The following NRXN3 variants were observed in gnomAD, a reference collection of about 807,000 sequenced individuals.
The protein encoded by NRXN3 is neurexin 3, also known as neurexin III.
Under a neutral mutation model 137.6 loss-of-function variants are expected in NRXN3, and 32 were observed. The observed-to-expected ratio is 0.23, with a 90% CI of 0.18 to 0.31. The LOEUF (loss-of-function observed/expected upper bound fraction) is 0.31. Ranked by LOEUF, NRXN3 falls within the 10% of genes least tolerant of loss-of-function variation. The pLI is 1.00. For synonymous variants in NRXN3, 798 were observed against 784.5 expected, an observed-to-expected ratio of 1.02 and a Z score of -0.29; for missense variants, 1,574 against 2,062.5, an observed-to-expected ratio of 0.76 and a Z score of 4.59.
intron 4 of NRXN3, among the ~76,000 whole-genome samples, chr14:78,592,285 T>C (rs1355824785): frequency 6.6e-6 from 1 of 152,136 alleles, no homozygotes; most frequent in African/African-American, 2.4e-5. Context: ...CTTGTACAAT[T>C]CTTGTGCAAA....
At chr14:78,706,094 T>A (rs2152819858) in intron 6 of NRXN3, among the ~76,000 whole-genome samples, 1 of 152,326 alleles carries the variant, frequency 6.6e-6, no homozygotes, top group East Asian at 1.9e-4. Flanking sequence ...CTGATCTCTC[T>A]TTCTATTTAT....
In NRXN3 at chr14:79,740,765, T is replaced by C. The variant is rs1170911162; in HGVS notation, c.4014+42828T>C. On this transcript the variant is annotated intron_variant, in intron 19 of 20. Coordinates refer to ENST00000335750, the MANE Select transcript of NRXN3 (RefSeq NM_001330195.2). ...ATATATATATATATATATATATATATATAACCTTACTTCTGCTTTTAAACA... is the reference window on the plus strand; with the variant it reads ...ATATATATATATATATATATATATACATAACCTTACTTCTGCTTTTAAACA... Among the ~76,000 whole-genome samples the C allele has an allele frequency of 1.1e-4, 13 of 114,328 alleles. 1 individual carries two copies. Among genetic ancestry groups the C allele is most frequent in the East Asian group, 5.6e-4 (2 of 3,572 alleles). 75.0% of individuals were successfully genotyped at this position (114,328 alleles called of 152,430 possible).
At chr14:79,031,553 A>G (rs1181965634) in intron 15 of NRXN3, among the ~76,000 whole-genome samples, 1 of 152,152 alleles carries the variant, frequency 6.6e-6, no homozygotes, top group Non-Finnish European at 1.5e-5. Flanking sequence ...TATAAGGTTC[A>G]CAAGGACTGA....
At chr14:78,229,902 G>A (rs1168394605) in intron 1 of NRXN3, among the ~76,000 whole-genome samples, 1 of 152,174 alleles carries the variant, frequency 6.6e-6, no homozygotes, top group East Asian at 1.9e-4. Context: ...GGGGACCTAA[G>A]GATGTTGCAA....
At chr14:79,158,381 A>G (rs1390817985) in intron 15 of NRXN3, among the ~76,000 whole-genome samples, 1 of 151,914 alleles carries the variant, frequency 6.6e-6, no homozygotes, top group African/African-American at 2.4e-5. Context: ...AATTTAGGGC[A>G]GAAATCATTT....
intron 15 of NRXN3, among the ~76,000 whole-genome samples, chr14:79,326,396 A>G (rs555087825): frequency 6.6e-6 from 1 of 152,298 alleles, no homozygotes; most frequent in Non-Finnish European, 1.5e-5. Context: ...AGGTACCATT[A>G]TCTCCATTAT....
chr14:78,793,883 T>G (rs995093132), intron 8 of NRXN3, among the ~76,000 whole-genome samples: 2 of 152,202 alleles, frequency 1.3e-5, no homozygotes, highest in African/African-American at 4.8e-5. Flanking sequence ...CAGGAGCTGG[T>G]GAAGGGCCAG....
chr14:79,672,829 A>G (rs938207772), intron 17 of NRXN3, among the ~76,000 whole-genome samples: 2 of 152,092 alleles, frequency 1.3e-5, no homozygotes, highest in African/African-American at 4.8e-5. Flanking sequence ...ATTTATGGGA[A>G]AAGTTTCCAA....
At chr14:79,829,482 T>C (rs1466244805) in intron 20 of NRXN3, among the ~76,000 whole-genome samples, 2 of 152,246 alleles carry the variant, frequency 1.3e-5, no homozygotes, top group East Asian at 3.8e-4. Flanking sequence ...GGATTCCTAC[T>C]GATTACCATT....
chr14:79,144,428 T>C (rs531265411), intron 15 of NRXN3, among the ~76,000 whole-genome samples: 4 of 152,320 alleles, frequency 2.6e-5, no homozygotes, highest in Non-Finnish European at 5.9e-5. Flanking sequence ...TGTACTTGTT[T>C]GTAGTACTTC....
chr14:79,367,789 A>G (rs898944174), intron 15 of NRXN3, among the ~76,000 whole-genome samples: 1 of 152,154 alleles, frequency 6.6e-6, no homozygotes, highest in African/African-American at 2.4e-5. Flanking sequence ...CAGGCTTGGG[A>G]TTTAAGAAAG....
chr14:79,728,746 G>A lies in NRXN3; in HGVS notation c.4014+30809G>A, dbSNP rs558457962. ...CACACTGTCAAAGACTGATATTGTC[G>A]GGAGTTAGCAGTGGCATGGAATAAT... On this transcript the variant is annotated intron_variant, in intron 19 of 20. Coordinates refer to ENST00000335750, the MANE Select transcript of NRXN3 (RefSeq NM_001330195.2). Among the ~76,000 whole-genome samples, 4 of 152,274 alleles carry A rather than the reference G, an allele frequency of 2.6e-5. No homozygotes were observed. In the East Asian group the frequency reaches 7.7e-4, roughly 29 times the overall value.
At chr14:79,129,267 G>T (rs1220632926) in intron 15 of NRXN3, among the ~76,000 whole-genome samples, 5 of 149,138 alleles carry the variant, frequency 3.4e-5, no homozygotes, top group African/African-American at 5.0e-5. Flanking sequence ...TAATTGTGAT[G>T]TTAGGGTGTC....
At chr14:78,506,290 AT>A (rs1206252448) in intron 4 of NRXN3, among the ~76,000 whole-genome samples, 26 of 152,186 alleles carry the variant, frequency 1.7e-4, no homozygotes, top group Admixed American at 1.6e-3. Flanking sequence ...AAATGATAGG[AT>A]TTCCTTCTTT....
intron 10 of NRXN3, among the ~76,000 whole-genome samples, chr14:78,912,994 C>T (rs2099243505): frequency 6.6e-6 from 1 of 151,956 alleles, no homozygotes; most frequent in Non-Finnish European, 1.5e-5. Flanking sequence ...CCTACTATGC[C>T]CTAGATACCT....
intron 6 of NRXN3, among the ~76,000 whole-genome samples, chr14:78,662,050 A>G (rs1208870012): frequency 6.7e-6 from 1 of 149,970 alleles, no homozygotes; most frequent in Non-Finnish European, 1.5e-5. Context: ...TAATTTTTGT[A>G]TTTTTAGTAG....
At chr14:79,082,202 T>G (rs1353997167) in intron 15 of NRXN3, among the ~76,000 whole-genome samples, 1 of 152,122 alleles carries the variant, frequency 6.6e-6, no homozygotes, top group African/African-American at 2.4e-5. Flanking sequence ...TGTTTTCTAC[T>G]AACATCTTCA....
intron 16 of NRXN3, among the ~76,000 whole-genome samples, chr14:79,533,786 A>C (rs1305016987): frequency 6.6e-6 from 1 of 152,186 alleles, no homozygotes; most frequent in Non-Finnish European, 1.5e-5. Context: ...CCATTCTATG[A>C]ATAGTAAGGA....
chr14:78,663,955 G>A (rs1046203366), intron 6 of NRXN3, among the ~76,000 whole-genome samples: 6 of 152,200 alleles, frequency 3.9e-5, no homozygotes, highest in Non-Finnish European at 8.8e-5. Flanking sequence ...ATGCAGAAAC[G>A]ACTATTCCAT....
Sources: gnomAD v4.1 joint callset for allele counts (sites outside exome capture counted in the v4.1 genomes callset) on GRCh38, gnomAD v4.1.1 for gene constraint, MANE v1.5 for transcripts, NCBI Gene and HGNC (gene_info 2026-07-23, HGNC 2026-07-21) for gene names.